Variants in TM7SF3 observed in about 807,000 individuals in gnomAD.
The protein encoded by TM7SF3 is seven span transmembrane protein.
Under a neutral mutation model 65.5 loss-of-function variants are expected in TM7SF3, and 60 were observed. That is an observed-to-expected ratio of 0.92 (90% CI 0.74 to 1.14). The LOEUF (loss-of-function observed/expected upper bound fraction) is 1.14. Among genes scored for constraint, TM7SF3 ranks in the 50% most tolerant of loss-of-function variants. TM7SF3 has a pLI of 0.00. For synonymous variants in TM7SF3, 264 were observed against 259.6 expected (o/e 1.02, Z -0.16); for missense variants, 623 against 684.8 (o/e 0.91, Z 1.01).
chr12:26,996,751 C>T lies in TM7SF3; in HGVS notation c.509G>A (p.Gly170Asp), dbSNP rs1205597849. 1.9e-6 allele frequency: 3 copies of T among 1,612,606 alleles called. No individual in the cohort carries two copies. Among genetic ancestry groups the T allele is most frequent in the Admixed American group, 3.4e-5 (2 of 59,678 alleles). The change falls in exon 4 of 12, where the codon GGC becomes GAC. Residue 170 changes from glycine (G) to aspartate (D), a missense_variant. By Grantham distance (94) the Gly-to-Asp change is moderately conservative. Transcript: ENST00000343028. ...TGGGAGACAGACGTACCTCGCATAG[C>T]CTAGGTTTGCTGGGGCAAACTTGAT... ...TTIKFAPANL[G>D]YARGVDPPPC...
intron 1 of TM7SF3, among the ~76,000 whole-genome samples, chr12:27,008,889 G>C (rs188627988): frequency 1.7e-4 from 26 of 152,292 alleles, no homozygotes; most frequent in Admixed American, 1.6e-3. Context: ...GCCTGAAGAT[G>C]AGAAATTACT....
intron 3 of TM7SF3, among the ~76,000 whole-genome samples, chr12:26,998,075 A>ATATATATATATATATATATATATATAT (rs1335951315): frequency 2.0e-5 from 3 of 151,974 alleles, no homozygotes; most frequent in African/African-American, 7.3e-5. Context: ...TTATACCTGC[A>ATATATATATATATATATATATATATAT]ACCTGCTTCG....
At chr12:26,994,227 C>T (rs1040223962) in intron 5 of TM7SF3, among the ~76,000 whole-genome samples, 5 of 152,180 alleles carry the variant, frequency 3.3e-5, no homozygotes, top group Non-Finnish European at 7.3e-5. Flanking sequence ...CACAATGACG[C>T]TGTCTAGAAA....
chr12:26,999,350 C>T (rs887843109), intron 3 of TM7SF3, among the ~76,000 whole-genome samples, 176 bp downstream of exon 3: 11 of 151,776 alleles, frequency 7.2e-5, no homozygotes, highest in Middle Eastern at 3.4e-3. Flanking sequence ...GAGCCGAGAT[C>T]GCGCCACTAC....
intron 6 of TM7SF3, among the ~76,000 whole-genome samples, chr12:26,989,910 T>C (rs890833496): frequency 4.6e-5 from 7 of 152,148 alleles, no homozygotes; most frequent in Admixed American, 2.6e-4. Flanking sequence ...AATCCCATAC[T>C]ACAGTCTACA....
rs760263534 is a variant in TM7SF3 at position 26,982,754 on chromosome 12, A to G, written c.955+19T>C. The stretch of plus-strand genomic sequence containing the variant: ...AAAAGACTGCAAAATGGAAATAGCA[A>G]CTACATTGGACATAATACCTGTTTT... On this transcript the variant is annotated intron_variant, in intron 7 of 11. Transcript: ENST00000343028. 2.0e-5 allele frequency: 31 copies of G among 1,568,270 alleles called. No homozygotes were observed. The highest frequency in any genetic ancestry group is 2.6e-5 in the Non-Finnish European group (30 of 1,154,550).
chr12:26,995,425 A>G lies in TM7SF3; in HGVS notation c.519-17T>C. On this transcript the variant is annotated splice_polypyrimidine_tract_variant and intron_variant, in intron 4 of 11. Transcript: ENST00000343028. ...TCTACGCCTCTAAAGTCAACCAACA[A>G]AATGAAACATCAGTCTCTTGTGGTG... The G allele has an allele frequency of 6.2e-7, 1 of 1,613,876 alleles. No individual in the cohort carries two copies. The highest frequency in any genetic ancestry group is 8.5e-7 in the Non-Finnish European group (1 of 1,179,870).
intron 10 of TM7SF3, 67 bp from the exon 11 acceptor site, chr12:26,975,725 T>C: frequency 5.3e-6 from 8 of 1,523,340 alleles, no homozygotes; most frequent in Non-Finnish European, 7.1e-6. Context: ...AACTCTCCAC[T>C]GGCTTCAATC....
intron 3 of TM7SF3, 104 bp downstream of exon 3, chr12:26,999,422 T>G (rs555705844): frequency 1.6e-6 from 2 of 1,266,948 alleles, no homozygotes; most frequent in East Asian, 4.9e-5. Context: ...ATTATATAAA[T>G]TATACTTGCA....
chr12:26,990,318 C>T (rs1940292981), intron 6 of TM7SF3, 132 bp downstream of exon 6: 1 of 614,738 alleles, frequency 1.6e-6, no homozygotes, highest in South Asian at 2.3e-5. Context: ...ACTGCTATGT[C>T]CCAGTGCCTA....
chr12:26,977,551 T>C (rs930855989), intron 9 of TM7SF3, among the ~76,000 whole-genome samples: 1 of 149,878 alleles, frequency 6.7e-6, no homozygotes, highest in Non-Finnish European at 1.5e-5. Flanking sequence ...GTCAGGAGTT[T>C]GAGACCAGCC....
At chr12:27,012,037 T>TA (rs1368926441) in intron 1 of TM7SF3, among the ~76,000 whole-genome samples, 1 of 152,190 alleles carries the variant, frequency 6.6e-6, no homozygotes, top group African/African-American at 2.4e-5. Context: ...CCTGTTAAAA[T>TA]AGAGATAGCA....
chr12:26,998,241 A>T (rs1403815061), intron 3 of TM7SF3, among the ~76,000 whole-genome samples: 1 of 152,162 alleles, frequency 6.6e-6, no homozygotes, highest in Non-Finnish European at 1.5e-5. Flanking sequence ...ACAGTGCCTG[A>T]CACATAGTAG....
chr12:26,980,917 T>C (rs1235816709), intron 7 of TM7SF3, among the ~76,000 whole-genome samples: 1 of 152,242 alleles, frequency 6.6e-6, no homozygotes, highest in Admixed American at 6.5e-5. Context: ...CATTGTTAAA[T>C]TGTTATTTGT....
At chr12:26,974,359 A>C in intron 11 of TM7SF3, 132 bp from the exon 12 acceptor site, 3 of 932,088 alleles carry the variant, frequency 3.2e-6, no homozygotes, top group Non-Finnish European at 4.7e-6. Flanking sequence ...CCAAACACAT[A>C]TGTAGTTCCT....
chr12:26,990,587 A>T lies in TM7SF3; in HGVS notation c.731T>A (p.Phe244Tyr). 1 of 1,614,042 alleles carries T rather than the reference A, an allele frequency of 6.2e-7. No individual in the cohort carries two copies. The highest frequency in any genetic ancestry group is 8.5e-7 in the Non-Finnish European group (1 of 1,179,916). ...LTANDKTSVS[F>Y]SSLPGQGVIY... ...GACACCTTGTCCCGGGAGGGAGGAG[A>T]AGGAAACACTTGTCTTATCATTAGC... Residue 244 changes from phenylalanine to tyrosine, a missense_variant, in exon 6 of 12, where the codon TTC (phenylalanine) becomes TAC (tyrosine). Phe to Tyr is a conservative substitution (Grantham distance 22). Coordinates refer to ENST00000343028, the MANE Select transcript of TM7SF3 (RefSeq NM_016551.3).
intron 1 of TM7SF3, among the ~76,000 whole-genome samples, chr12:27,006,897 A>G (rs950949298): frequency 2.6e-4 from 40 of 152,248 alleles, no homozygotes; most frequent in African/African-American, 8.9e-4. Context: ...TAGCATGAAT[A>G]ATAAATTAAT....
chr12:26,975,660 T>A lies in TM7SF3; in HGVS notation c.1288-2A>T. On this transcript the variant is annotated splice_acceptor_variant, in intron 10 of 11. Coordinates refer to ENST00000343028, the MANE Select transcript of TM7SF3 (RefSeq NM_016551.3). LOFTEE classifies it high-confidence loss of function. ...GACTCCACAAGTCAGTATGTTCAGC[T>A]GTGGAAGAGTGGAAGAGTTTAGGCA... 1 of 1,597,226 alleles carries A rather than the reference T, an allele frequency of 6.3e-7. No individual in the cohort carries two copies. The highest frequency in any genetic ancestry group is 8.5e-7 in the Non-Finnish European group (1 of 1,175,290).
chr12:27,007,021 C>T lies in TM7SF3; in HGVS notation c.92-3631G>A, dbSNP rs527577955. On this transcript the variant is annotated intron_variant, in intron 1 of 11. Coordinates refer to ENST00000343028, the MANE Select transcript of TM7SF3 (RefSeq NM_016551.3). The stretch of plus-strand genomic sequence containing the variant: ...TGACAGTGTAACAGATGACCTTTGA[C>T]CTTAAATGGTTAAACTGTACCTAAA... 7.9e-5 allele frequency among the ~76,000 whole-genome samples: 12 copies of T among 152,270 alleles called. No individual in the cohort carries two copies. The South Asian group carries it at 2.5e-3, about 32-fold the overall frequency.
Sources: gnomAD v4.1 joint callset for allele counts (sites outside exome capture counted in the v4.1 genomes callset) on GRCh38, gnomAD v4.1.1 for gene constraint, MANE v1.5 for transcripts, NCBI Gene and HGNC (gene_info 2026-07-23, HGNC 2026-07-21) for gene names.